The following MARCHF1 variants were observed in gnomAD, a reference collection of about 807,000 sequenced individuals.
MARCHF1 encodes E3 ubiquitin-protein ligase MARCHF1.
A neutral mutation model predicts 54.2 loss-of-function variants in MARCHF1; 40 were observed. The ratio of observed to expected loss-of-function variants is 0.74; its 90% CI spans 0.57 to 0.96. The LOEUF is 0.96. Among genes scored for constraint, MARCHF1 ranks in the 40% least tolerant of loss-of-function variants. The pLI is 0.00. For synonymous variants in MARCHF1, 236 were observed against 236.3 expected (o/e 1.00, Z 0.01); for missense variants, 586 against 656.5 (o/e 0.89, Z 1.17).
At chr4:163,583,583 T>C (rs904280359) in intron 8 of MARCHF1, 13 of 151,820 alleles carry the variant, frequency 8.6e-5, no homozygotes, top group African/African-American at 1.2e-4. Context: ...CATCAACAGA[T>C]AGTAGGTACA....
At chr4:163,554,229 T>C (rs1213349251) in intron 8 of MARCHF1, among the ~76,000 whole-genome samples, 1 of 152,232 alleles carries the variant, frequency 6.6e-6, no homozygotes, top group Non-Finnish European at 1.5e-5. Flanking sequence ...ATATATATTG[T>C]ACTGATATGC....
At chr4:163,602,794 T>C (rs1741014716) in intron 7 of MARCHF1, among the ~76,000 whole-genome samples, 1 of 152,104 alleles carries the variant, frequency 6.6e-6, no homozygotes, top group Non-Finnish European at 1.5e-5. Context: ...CAACAGAATG[T>C]CAGTCTCATT....
intron 2 of MARCHF1, among the ~76,000 whole-genome samples, chr4:164,073,024 A>T (rs1754902424): frequency 6.6e-6 from 1 of 152,234 alleles, no homozygotes; most frequent in Non-Finnish European, 1.5e-5. Flanking sequence ...GTTTTAAAAA[A>T]TGGTAGAATT....
chr4:163,610,834 C>T (rs1741314549), intron 7 of MARCHF1, among the ~76,000 whole-genome samples: 1 of 152,054 alleles, frequency 6.6e-6, no homozygotes, highest in African/African-American at 2.4e-5. Context: ...CACCCATCCC[C>T]CTATTCACCA....
intron 7 of MARCHF1, among the ~76,000 whole-genome samples, chr4:163,610,814 T>C (rs1741312929): frequency 6.6e-6 from 1 of 152,056 alleles, no homozygotes; most frequent in East Asian, 1.9e-4. Flanking sequence ...TTCTCCATCC[T>C]TCTCTCTACC....
intron 4 of MARCHF1, among the ~76,000 whole-genome samples, chr4:163,724,276 A>C (rs879560442): frequency 1.3e-5 from 2 of 152,042 alleles, no homozygotes; most frequent in Non-Finnish European, 2.9e-5. Flanking sequence ...CTGGAGGTCC[A>C]CTCTAGACCC....
At chr4:163,951,007 A>G (rs1752124528) in intron 3 of MARCHF1, among the ~76,000 whole-genome samples, 1 of 152,228 alleles carries the variant, frequency 6.6e-6, no homozygotes. Context: ...GAGAGAGTCA[A>G]GTCATGTAAA....
intron 3 of MARCHF1, among the ~76,000 whole-genome samples, chr4:163,962,700 A>G (rs1752365354): frequency 6.6e-6 from 1 of 152,102 alleles, no homozygotes; most frequent in Non-Finnish European, 1.5e-5. Context: ...CCGTAGTAAT[A>G]TATTTACAAA....
chr4:163,944,635 T>C (rs1751988973), intron 3 of MARCHF1, among the ~76,000 whole-genome samples: 1 of 152,196 alleles, frequency 6.6e-6, no homozygotes, highest in Non-Finnish European at 1.5e-5. Context: ...CTAAGAAATA[T>C]CCTAAAGCCC....
At chr4:163,808,201 C>T (rs2110999822) in intron 4 of MARCHF1, among the ~76,000 whole-genome samples, 1 of 152,350 alleles carries the variant, frequency 6.6e-6, no homozygotes, top group Admixed American at 6.5e-5. Flanking sequence ...ATAATAACTT[C>T]TGCTCACATA....
intron 2 of MARCHF1, among the ~76,000 whole-genome samples, chr4:164,044,118 A>G (rs756665999): frequency 4.6e-5 from 7 of 152,106 alleles, no homozygotes; most frequent in Non-Finnish European, 1.0e-4. Flanking sequence ...GAGCCCTCCA[A>G]GCTGTTTCAA....
chr4:163,635,321 A>G (rs1468091181), intron 5 of MARCHF1, among the ~76,000 whole-genome samples: 3 of 149,718 alleles, frequency 2.0e-5, no homozygotes, highest in African/African-American at 5.0e-5. Context: ...TGGTTTTTTG[A>G]AAGGATCAAC....
At chr4:164,248,883 T>A (rs1392507344) in intron 1 of MARCHF1, among the ~76,000 whole-genome samples, 1 of 151,740 alleles carries the variant, frequency 6.6e-6, no homozygotes, top group African/African-American at 2.4e-5. Flanking sequence ...TAGGAAATTT[T>A]AAATTTCATA....
chr4:163,567,080 T>C (rs1163736176), intron 8 of MARCHF1, among the ~76,000 whole-genome samples: 1 of 152,128 alleles, frequency 6.6e-6, no homozygotes, highest in Non-Finnish European at 1.5e-5. Flanking sequence ...CACATGTATA[T>C]GCATGTAACA....
intron 1 of MARCHF1, among the ~76,000 whole-genome samples, chr4:164,368,700 A>G (rs1730948300): frequency 6.6e-6 from 1 of 152,244 alleles, no homozygotes; most frequent in South Asian, 2.1e-4. Context: ...GAAATTCACC[A>G]TATGAACAGA....
intron 3 of MARCHF1, among the ~76,000 whole-genome samples, chr4:163,985,714 T>A (rs1288932132): frequency 1.3e-5 from 2 of 152,174 alleles, no homozygotes; most frequent in African/African-American, 4.8e-5. Flanking sequence ...TAAATTCAAA[T>A]GAGTTTTTAA....
intron 5 of MARCHF1, among the ~76,000 whole-genome samples, chr4:163,687,251 G>A (rs1744298107): frequency 1.4e-5 from 2 of 146,944 alleles, no homozygotes; most frequent in African/African-American, 5.0e-5. Flanking sequence ...TTTTTGAGAT[G>A]CCGTCTTGCT....
chr4:163,744,918 A>G, intron 4 of MARCHF1, among the ~76,000 whole-genome samples: 1 of 152,136 alleles, frequency 6.6e-6, no homozygotes, highest in East Asian at 1.9e-4. Flanking sequence ...AAGTCCATAT[A>G]CATTTTTCCC....
At chr4:164,232,868 C>T (rs1732451379) in intron 1 of MARCHF1, among the ~76,000 whole-genome samples, 1 of 152,076 alleles carries the variant, frequency 6.6e-6, no homozygotes, top group Non-Finnish European at 1.5e-5. Flanking sequence ...CACACAGAAA[C>T]CTATAGACAC....
Sources: gnomAD v4.1 joint callset for allele counts (sites outside exome capture counted in the v4.1 genomes callset) on GRCh38, gnomAD v4.1.1 for gene constraint, MANE v1.5 for transcripts, NCBI Gene and HGNC (gene_info 2026-07-23, HGNC 2026-07-21) for gene names.